SUZ12: variants seen among roughly 807,000 people sequenced by gnomAD.
SUZ12 encodes polycomb protein SUZ12.
A neutral mutation model predicts 87.3 loss-of-function variants in SUZ12; 17 were observed. That is an observed-to-expected ratio of 0.19 (90% CI 0.13 to 0.29). The LOEUF (loss-of-function observed/expected upper bound fraction) is 0.29. Ranked by LOEUF, SUZ12 falls within the 10% of genes least tolerant of loss-of-function variation. The pLI is 1.00. For missense variants in SUZ12, 526 were observed against 912.2 expected, an observed-to-expected ratio of 0.58 and a Z score of 5.45; for synonymous variants, 253 against 312.4, an observed-to-expected ratio of 0.81 and a Z score of 2.01.
intron 4 of SUZ12, among the ~76,000 whole-genome samples, chr17:31,961,391 A>G (rs1019751356): frequency 6.6e-5 from 10 of 151,984 alleles, no homozygotes; most frequent in African/African-American, 2.4e-4. Flanking sequence ...TACTAAAAAC[A>G]GGAAAATTAA....
At position 31,937,141 on chromosome 17, in the gene SUZ12, C is replaced by G. The variant is rs1423375245; in HGVS notation, c.-106C>G. Reference sequence around the variant, plus strand: ...TCTCCTCCCCTCTCTCCTCCTTCCCCCCTCGGTCCGCCGGAGCCTGCTGGG... The same window carrying G: ...TCTCCTCCCCTCTCTCCTCCTTCCCGCCTCGGTCCGCCGGAGCCTGCTGGG... On this transcript the variant is annotated 5_prime_UTR_variant, in exon 1 of 16. Coordinates refer to ENST00000322652, the MANE Select transcript of SUZ12 (RefSeq NM_015355.4). The G allele has an allele frequency of 7.0e-6, 7 of 998,072 alleles. No homozygotes were observed. Among genetic ancestry groups the G allele is most frequent in the Non-Finnish European group, 8.1e-6 (6 of 744,074 alleles). The allele number at this position is 998,072 out of a possible 1,614,324, so 61.8% of individuals were successfully genotyped here.
Position 31,983,023 on chromosome 17 carries a change from A to G in SUZ12, c.942A>G (p.Glu314=), listed in dbSNP as rs145438545. Residue 314 remains glutamate, a synonymous_variant, in exon 9 of 16, where the codon GAA becomes GAG. Coordinates refer to ENST00000322652, the MANE Select transcript of SUZ12 (RefSeq NM_015355.4). ...GGCGCTTACAGCTTTTAGATGGGGAATATGAAGTAGCCATGCAGGAAATGG... is the reference window on the plus strand; with the variant it reads ...GGCGCTTACAGCTTTTAGATGGGGAGTATGAAGTAGCCATGCAGGAAATGG... ...KNRRLQLLDG[E]YEVAMQEMEE... 13 of 1,613,352 alleles carry G rather than the reference A, an allele frequency of 8.1e-6. No homozygotes were observed. The highest frequency in any genetic ancestry group is 1.6e-4 in the Middle Eastern group (1 of 6,074).
intron 10 of SUZ12, among the ~76,000 whole-genome samples, chr17:31,989,759 C>G (rs969500607): frequency 7.0e-6 from 1 of 143,604 alleles, no homozygotes; most frequent in Non-Finnish European, 1.5e-5. Context: ...CCACCACGAC[C>G]AGCTAATTTT....
chr17:31,944,607 T>C (rs1474251766), intron 3 of SUZ12, among the ~76,000 whole-genome samples: 2 of 152,180 alleles, frequency 1.3e-5, no homozygotes, highest in African/African-American at 4.8e-5. Context: ...TGGGGAATTT[T>C]TAAGCAATCT....
intron 3 of SUZ12, among the ~76,000 whole-genome samples, chr17:31,941,520 G>A (rs1252104628): frequency 1.3e-5 from 2 of 149,008 alleles, no homozygotes; most frequent in African/African-American, 5.0e-5. Context: ...GCCTCCTAAA[G>A]TGCTAGGATT....
intron 4 of SUZ12, among the ~76,000 whole-genome samples, chr17:31,950,765 A>C (rs1285983424): frequency 1.3e-5 from 2 of 152,000 alleles, no homozygotes; most frequent in African/African-American, 2.4e-5. Context: ...ACACAAAAGT[A>C]TCTCTCCTCC....
chr17:31,964,342 A>T (rs1567822756), intron 4 of SUZ12, among the ~76,000 whole-genome samples: 1 of 123,398 alleles, frequency 8.1e-6, no homozygotes, highest in East Asian at 1.9e-4. Context: ...TACTTTCTAG[A>T]ACATACTTTT....
intron 12 of SUZ12, among the ~76,000 whole-genome samples, 172 bp downstream of exon 12, chr17:31,994,180 T>G (rs1413825695): frequency 2.6e-5 from 4 of 152,220 alleles, no homozygotes; most frequent in Non-Finnish European, 5.9e-5. Context: ...AAAACAAATT[T>G]CTGTATTTGA....
intron 3 of SUZ12, among the ~76,000 whole-genome samples, chr17:31,943,805 A>G (rs1322542703): frequency 6.6e-6 from 1 of 152,040 alleles, no homozygotes; most frequent in Non-Finnish European, 1.5e-5. Flanking sequence ...AGTTCAAGCA[A>G]TTCTGCCTCA....
chr17:31,984,133 T>C (rs1909275264), intron 9 of SUZ12, among the ~76,000 whole-genome samples: 1 of 152,224 alleles, frequency 6.6e-6, no homozygotes. Context: ...ATATACGATA[T>C]ACAGTAGTAC....
intron 4 of SUZ12, among the ~76,000 whole-genome samples, chr17:31,955,002 TAAGAGG>T (rs1907224369): frequency 6.6e-6 from 1 of 152,246 alleles, no homozygotes. Context: ...TGTTGTTCTC[TAAGAGG>T]TGGGGTCTTG....
At chr17:31,991,234 G>A (rs557425231) in intron 10 of SUZ12, among the ~76,000 whole-genome samples, 17 of 152,154 alleles carry the variant, frequency 1.1e-4, no homozygotes, top group Non-Finnish European at 1.8e-4. Flanking sequence ...AAATGGGGCC[G>A]GGCGCAGTGG....
intron 4 of SUZ12, among the ~76,000 whole-genome samples, chr17:31,948,125 A>C (rs1486119376): frequency 6.6e-6 from 1 of 152,136 alleles, no homozygotes; most frequent in Non-Finnish European, 1.5e-5. Context: ...CTTCTCATTT[A>C]AATCTATCAG....
chr17:31,963,258 C>T (rs548872869), intron 4 of SUZ12, among the ~76,000 whole-genome samples: 3 of 152,262 alleles, frequency 2.0e-5, no homozygotes, highest in Admixed American at 2.0e-4. Flanking sequence ...GATTCTCCTG[C>T]CTCAGCCTCC....
chr17:31,940,236 T>C, intron 1 of SUZ12, 50 bp from the exon 2 acceptor site: 3 of 1,574,510 alleles, frequency 1.9e-6, no homozygotes, highest in Non-Finnish European at 2.6e-6. Flanking sequence ...TTGATATTTT[T>C]CTGACAAGTA....
At chr17:31,994,103 TA>T in intron 12 of SUZ12, 95 bp downstream of exon 12, 2 of 1,231,410 alleles carry the variant, frequency 1.6e-6, no homozygotes, top group South Asian at 1.7e-5. Flanking sequence ...TTTTTTAAAT[TA>T]AAAAAGGGAA....
chr17:31,998,580 C>G lies in SUZ12; in HGVS notation c.1875-78C>G. On this transcript the variant is annotated intron_variant, in intron 15 of 15. Transcript: ENST00000322652. ...TTATTTTACTGGAATTGGATATAGT[C>G]TTATTATAATGGTTATCACTGTTGC... The G allele has an allele frequency of 3.0e-6, 3 of 1,002,120 alleles. No individual in the cohort carries two copies. The South Asian group carries it at 6.4e-5, about 21-fold the overall frequency. 62.1% of individuals were successfully genotyped at this position (1,002,120 alleles called of 1,614,324 possible).
chr17:31,976,906 C>T (rs1908786522), intron 8 of SUZ12, among the ~76,000 whole-genome samples: 1 of 152,198 alleles, frequency 6.6e-6, no homozygotes. Context: ...AAAATCCCTG[C>T]CTTCACCATG....
At chr17:31,973,901 A>G (rs1411964676) in intron 6 of SUZ12, among the ~76,000 whole-genome samples, 2 of 152,148 alleles carry the variant, frequency 1.3e-5, no homozygotes, top group East Asian at 1.9e-4. Context: ...CTAAGGCACC[A>G]TGGAGGCAGC....
Sources: allele counts gnomAD v4.1 joint callset (sites outside exome capture counted in the v4.1 genomes callset), GRCh38; gene constraint gnomAD v4.1.1; transcripts MANE v1.5; gene names NCBI Gene and HGNC (gene_info 2026-07-23, HGNC 2026-07-21).